The following GTSE1 variants were observed in gnomAD, a reference collection of about 807,000 sequenced individuals.
GTSE1 encodes the protein G2 and S phase-expressed protein 1.
Under a neutral mutation model 60.5 loss-of-function variants are expected in GTSE1, and 52 were observed. The observed-to-expected ratio is 0.86, with a 90% CI of 0.69 to 1.08. GTSE1 has a LOEUF of 1.08. Ranked by LOEUF, GTSE1 falls within the 50% of genes least tolerant of loss-of-function variation. The pLI is 0.00. For synonymous variants in GTSE1, 368 were observed against 386.5 expected (o/e 0.95, Z 0.56); for missense variants, 937 against 961.8 (o/e 0.97, Z 0.34).
rs1250249446 is a variant in GTSE1 at position 46,309,742 on chromosome 22, G to A, written c.762+799G>A. 1.3e-5 allele frequency among the ~76,000 whole-genome samples: 2 copies of A among 152,148 alleles called. No homozygotes were observed. The highest frequency in any genetic ancestry group is 2.4e-5 in the African/African-American group (1 of 41,420). On this transcript the variant is annotated intron_variant, in intron 4 of 11. Transcript: ENST00000454366. The surrounding 1 kb of genome is among the most constrained non-coding windows in gnomAD (Gnocchi z 6.2). ...AAGGCAGCCGAGGTGCAGCCGCCACGCCACACACTGCCCTTGACAAGGAGG... is the reference window on the plus strand; with the variant it reads ...AAGGCAGCCGAGGTGCAGCCGCCACACCACACACTGCCCTTGACAAGGAGG...
Position 46,330,251 on chromosome 22 carries a change from T to C in GTSE1, c.*121T>C, listed in dbSNP as rs2077868805. 3.0e-6 allele frequency: 2 copies of C among 664,156 alleles called. No individual in the cohort carries two copies. Among genetic ancestry groups the C allele is most frequent in the Non-Finnish European group, 2.8e-6 (1 of 360,216 alleles). 41.1% of individuals were successfully genotyped at this position (664,156 alleles called of 1,614,324 possible). A position where few individuals can be genotyped will look rare whatever the true frequency, so the allele number is the denominator to read the frequency against. ...AACCCTAGAACTTGGGAGGCTGAGG[T>C]GGGCGGATTACTTGAGCCCAGGAGT... is the stretch of plus-strand genomic sequence containing the variant. On this transcript the variant is annotated 3_prime_UTR_variant, in exon 12 of 12. Coordinates refer to ENST00000454366, the MANE Select transcript of GTSE1 (RefSeq NM_016426.7). The surrounding 1 kb of genome is among the most constrained non-coding windows in gnomAD (Gnocchi z 6.0).
chr22:46,323,988 G>A (rs749517247), intron 8 of GTSE1, among the ~76,000 whole-genome samples: 18 of 152,164 alleles, frequency 1.2e-4, no homozygotes, highest in East Asian at 3.9e-4. Context: ...CACCGTGTCC[G>A]GCCTGACTTG....
intron 8 of GTSE1, among the ~76,000 whole-genome samples, chr22:46,323,834 C>A (rs1462512798): frequency 6.6e-6 from 1 of 152,140 alleles, no homozygotes; most frequent in Non-Finnish European, 1.5e-5. Context: ...ACTACAGGCA[C>A]CCGCCACCAC....
In GTSE1 at chr22:46,321,405, T is replaced by C. The variant is rs1166061391; in HGVS notation, c.1433-1785T>C. ...GGTGACAGAGCAAGACCTTGTTTCT[T>C]GTAAGAAAGAAAAGAAACAAACAAA... On this transcript the variant is annotated intron_variant, in intron 7 of 11. Transcript: ENST00000454366. This position sits in a 1 kb window ranked among gnomAD's most constrained non-coding sequence, Gnocchi z 4.0. Among the ~76,000 whole-genome samples the C allele has an allele frequency of 6.6e-6, 1 of 151,764 alleles. No individual in the cohort carries two copies. The highest frequency in any genetic ancestry group is 2.4e-5 in the African/African-American group (1 of 41,314).
At chr22:46,301,289 G>T (rs1453913578) in intron 2 of GTSE1, among the ~76,000 whole-genome samples, 3 of 152,120 alleles carry the variant, frequency 2.0e-5, no homozygotes, top group Admixed American at 6.5e-5. Flanking sequence ...AAGTAGACTT[G>T]CTGGGTCGAA....
Position 46,320,843 on chromosome 22 carries a change from C to T in GTSE1, c.1433-2347C>T, listed in dbSNP as rs376880805. Among the ~76,000 whole-genome samples, 2 of 152,220 alleles carry T rather than the reference C, an allele frequency of 1.3e-5. No individual in the cohort carries two copies. The highest frequency in any genetic ancestry group is 3.9e-4 in the East Asian group (2 of 5,162). ...TGTGGGCCTGGGAGGCGTGCGTGCTCAGGCAGCCCTAGGGCAGTCGTGAGG... is the reference window on the plus strand; with the variant it reads ...TGTGGGCCTGGGAGGCGTGCGTGCTTAGGCAGCCCTAGGGCAGTCGTGAGG... On this transcript the variant is annotated intron_variant, in intron 7 of 11. Transcript: ENST00000454366. The surrounding 1 kb of genome is among the most constrained non-coding windows in gnomAD (Gnocchi z 7.1).
In GTSE1 at chr22:46,326,643, C is replaced by T. The variant is rs755346006; in HGVS notation, c.1713C>T (p.Asn571=). The change falls in exon 9 of 12, where the codon AAC becomes AAT. Residue 571 remains asparagine (N), a synonymous_variant. Coordinates refer to ENST00000454366, the MANE Select transcript of GTSE1 (RefSeq NM_016426.7). Reference sequence around the variant, plus strand: ...GACGTTCCTCTGAGCCCCGCAAGAACTCTGCAATGAGGTAAGACACGAAGG... The same window carrying T: ...GACGTTCCTCTGAGCCCCGCAAGAATTCTGCAATGAGGTAAGACACGAAGG... ...ARRRSSEPRK[N]SAMRTEPTRE... is the part of the protein sequence containing the mutation. 2.3e-5 allele frequency: 37 copies of T among 1,608,258 alleles called. No individual in the cohort carries two copies. Among genetic ancestry groups the T allele is most frequent in the Non-Finnish European group, 3.1e-5 (37 of 1,176,562 alleles).
Position 46,316,124 on chromosome 22 carries a change from C to T in GTSE1, c.1144C>T (p.Arg382Trp), listed in dbSNP as rs147408487. The change falls in exon 7 of 12, where the codon CGG becomes TGG. Residue 382 changes from arginine (R) to tryptophan (W), a missense_variant. By Grantham distance (101) the Arg-to-Trp change is moderately radical. Coordinates refer to ENST00000454366, the MANE Select transcript of GTSE1 (RefSeq NM_016426.7). This position sits in a 1 kb window ranked among gnomAD's most constrained non-coding sequence, Gnocchi z 5.0. Reference sequence around the variant, plus strand: ...AGGCAGAATGGGACCCGCCATGCTGCGGCCAGCTCTGCCTGCAGGCCCTGT... The same window carrying T: ...AGGCAGAATGGGACCCGCCATGCTGTGGCCAGCTCTGCCTGCAGGCCCTGT... ...KSGRMGPAML[R>W]PALPAGPVGA... The T allele has an allele frequency of 7.6e-5, 121 of 1,597,920 alleles. 1 individual carries two copies. In the Admixed American group the frequency reaches 2.0e-3, roughly 26 times the overall value.
intron 2 of GTSE1, among the ~76,000 whole-genome samples, chr22:46,301,977 A>C (rs1281772242): frequency 6.6e-6 from 1 of 152,086 alleles, no homozygotes; most frequent in Non-Finnish European, 1.5e-5. Context: ...AAAAATACAA[A>C]ATTAGCCAGA....
At position 46,313,206 on chromosome 22, in the gene GTSE1, G is replaced by A. The variant is rs901765244; in HGVS notation, c.928-684G>A. ...AAAAAAGGAAAAGAAAGAAAATTGCGGTTCCTCACAGGCATGGAGACTACC... is the reference window on the plus strand; with the variant it reads ...AAAAAAGGAAAAGAAAGAAAATTGCAGTTCCTCACAGGCATGGAGACTACC... On this transcript the variant is annotated intron_variant, in intron 5 of 11. Transcript: ENST00000454366. This position sits in a 1 kb window ranked among gnomAD's most constrained non-coding sequence, Gnocchi z 4.4. Among the ~76,000 whole-genome samples, 4 of 151,236 alleles carry A rather than the reference G, an allele frequency of 2.6e-5. No individual in the cohort carries two copies. The highest frequency in any genetic ancestry group is 7.3e-5 in the African/African-American group (3 of 41,182).
chr22:46,303,225 T>G (rs1459108252), intron 2 of GTSE1, among the ~76,000 whole-genome samples: 1 of 152,200 alleles, frequency 6.6e-6, no homozygotes, highest in Non-Finnish European at 1.5e-5. Flanking sequence ...TTTGATATGT[T>G]ACTTTTATGA....
At chr22:46,322,985 G>T (rs1027366558) in intron 7 of GTSE1, among the ~76,000 whole-genome samples, 5 of 152,222 alleles carry the variant, frequency 3.3e-5, no homozygotes, top group Admixed American at 2.0e-4. Flanking sequence ...TGCCTGGGCA[G>T]GGGTCCCCGT....
rs766802772 is a variant in GTSE1 at position 46,323,196 on chromosome 22, C to T, written c.1439C>T (p.Ser480Phe). Residue 480 changes from serine (S) to phenylalanine (F), a missense_variant, in exon 8 of 12, where the codon TCC (serine) becomes TTC (phenylalanine). By Grantham distance (155) the Ser-to-Phe change is radical. Transcript: ENST00000454366. ...CTTCCTTTCTTGGACTTAGGTGACTCCCCGGACAGCTCAACACCAAAGCTT... is the reference window on the plus strand; with the variant it reads ...CTTCCTTTCTTGGACTTAGGTGACTTCCCGGACAGCTCAACACCAAAGCTT... Reference protein sequence around the residue: ...FKIPKFSIGDSPDSSTPKLSR... With the variant: ...FKIPKFSIGDFPDSSTPKLSR... 1 of 1,612,588 alleles carries T rather than the reference C, an allele frequency of 6.2e-7. No homozygotes were observed.
rs1378510138 is a variant in GTSE1, at chr22:46,316,100, G to T, written c.1120G>T (p.Gly374Cys). 6.4e-7 allele frequency: 1 copy of T among 1,556,538 alleles called. No homozygotes were observed. The highest frequency in any genetic ancestry group is 8.7e-7 in the Non-Finnish European group (1 of 1,149,710). ...GCCTCTGTCAAACATCAGCAAGTCA[G>T]GCAGAATGGGACCCGCCATGCTGCG... ...SRPLSNISKSGRMGPAMLRPA... is the reference protein window; with the variant it reads ...SRPLSNISKSCRMGPAMLRPA... The change falls in exon 7 of 12, where the codon GGC becomes TGC. Residue 374 changes from glycine (G) to cysteine (C), a missense_variant. By Grantham distance (159) the Gly-to-Cys change is radical. Coordinates refer to ENST00000454366, the MANE Select transcript of GTSE1 (RefSeq NM_016426.7). The surrounding 1 kb of genome is among the most constrained non-coding windows in gnomAD (Gnocchi z 5.0).
At chr22:46,326,927 G>A (rs2077847914) in intron 9 of GTSE1, 1 of 310,038 alleles carries the variant, frequency 3.2e-6, no homozygotes, top group Admixed American at 5.5e-5. Flanking sequence ...TATTGGCCAG[G>A]TGTGGTGGCT....
intron 4 of GTSE1, among the ~76,000 whole-genome samples, chr22:46,311,316 G>T (rs2077747422): frequency 6.6e-6 from 1 of 152,136 alleles, no homozygotes; most frequent in South Asian, 2.1e-4. Flanking sequence ...GGCCTCAGGT[G>T]ATCTGCCCGC....
chr22:46,309,848 C>G lies in GTSE1; in HGVS notation c.762+905C>G, dbSNP rs3788678. Among the ~76,000 whole-genome samples, 1 of 152,174 alleles carries G rather than the reference C, an allele frequency of 6.6e-6. No individual in the cohort carries two copies. Among genetic ancestry groups the G allele is most frequent in the Non-Finnish European group, 1.5e-5 (1 of 68,044 alleles). ...GCCCGTTTGGGATGTAGATTCCTAC[C>G]GTGATGTTTCTAGAATGAGAGTGGG... On this transcript the variant is annotated intron_variant, in intron 4 of 11. Transcript: ENST00000454366. The surrounding 1 kb of genome is among the most constrained non-coding windows in gnomAD (Gnocchi z 6.2).
At position 46,311,553 on chromosome 22, in the gene GTSE1, G is replaced by A. The variant is rs145638559; in HGVS notation, c.763-588G>A. 1.3e-3 allele frequency among the ~76,000 whole-genome samples: 201 copies of A among 152,314 alleles called. No individual in the cohort carries two copies. The Middle Eastern group carries it at 0.017, about 13-fold the overall frequency. ...TATAAAGGGAAAAAGTTACTGCTGC[G>A]TCTTTACCACTCTGAGCTTCTATTG... On this transcript the variant is annotated intron_variant, in intron 4 of 11. Coordinates refer to ENST00000454366, the MANE Select transcript of GTSE1 (RefSeq NM_016426.7).
At chr22:46,323,726 C>A (rs1569046377) in intron 8 of GTSE1, among the ~76,000 whole-genome samples, 1 of 152,074 alleles carries the variant, frequency 6.6e-6, no homozygotes, top group Non-Finnish European at 1.5e-5. Context: ...CTTGCTCTGT[C>A]GCCCAGGCTG....
Sources: allele counts gnomAD v4.1 joint callset (sites outside exome capture counted in the v4.1 genomes callset), GRCh38; gene constraint gnomAD v4.1.1; non-coding constraint Gnocchi (gnomAD v3.1); transcripts MANE v1.5; gene names NCBI Gene and HGNC (gene_info 2026-07-23, HGNC 2026-07-21).